Variants in CADPS observed in about 807,000 individuals in gnomAD.
The protein encoded by CADPS is calcium dependent secretion activator, also known as calcium-dependent secretion activator 1.
In CADPS, 57 loss-of-function variants were observed where a neutral mutation model predicts 167.3. The ratio of observed to expected loss-of-function variants is 0.34; its 90% CI spans 0.28 to 0.42. CADPS has a LOEUF of 0.42. Ranked by LOEUF, CADPS falls within the 20% of genes least tolerant of loss-of-function variation. The pLI is 1.00. For synonymous variants in CADPS, 676 were observed against 635.3 expected, an observed-to-expected ratio of 1.06 and a Z score of -0.96; for missense variants, 1,414 against 1,738.1, an observed-to-expected ratio of 0.81 and a Z score of 3.32.
intron 3 of CADPS, among the ~76,000 whole-genome samples, chr3:62,665,170 A>C (rs1429357047): frequency 6.6e-6 from 1 of 152,222 alleles, no homozygotes; most frequent in Non-Finnish European, 1.5e-5. Flanking sequence ...ATGTGCATTC[A>C]CACAGGAAAA....
chr3:62,794,612 C>T (rs779002828), intron 1 of CADPS, among the ~76,000 whole-genome samples: 1 of 151,894 alleles, frequency 6.6e-6, no homozygotes, highest in Non-Finnish European at 1.5e-5. Flanking sequence ...ATTAGCTATT[C>T]TTGTTATTGT....
At chr3:62,672,325 G>T (rs188416517) in intron 3 of CADPS, among the ~76,000 whole-genome samples, 1 of 152,260 alleles carries the variant, frequency 6.6e-6, no homozygotes, top group African/African-American at 2.4e-5. Context: ...CATGAAGTAC[G>T]AATTTAACTC....
rs369323960 is a variant in CADPS at position 62,839,082 on chromosome 3, T to C, written c.441+35507A>G. Among the ~76,000 whole-genome samples the C allele has an allele frequency of 2.6e-5, 4 of 152,192 alleles. No individual in the cohort carries two copies. The East Asian group carries it at 5.8e-4, about 22-fold the overall frequency. The stretch of plus-strand genomic sequence containing the variant: ...AATGACAGATTTATTCAGAGGATTA[T>C]GGGGATACACATGAAGATGCTTATT... On this transcript the variant is annotated intron_variant, in intron 1 of 29. Coordinates refer to ENST00000383710, the MANE Select transcript of CADPS (RefSeq NM_003716.4).
intron 3 of CADPS, among the ~76,000 whole-genome samples, chr3:62,668,528 C>T (rs1194507282): frequency 6.6e-6 from 1 of 152,192 alleles, no homozygotes; most frequent in African/African-American, 2.4e-5. Flanking sequence ...CCTTTCTTAT[C>T]CTTCATCCTT....
At chr3:62,599,508 ATT>A (rs1491526384) in intron 6 of CADPS, among the ~76,000 whole-genome samples, 77 of 104,216 alleles carry the variant, frequency 7.4e-4, no homozygotes, top group Non-Finnish European at 1.2e-3. Flanking sequence ...TTTTATATAT[ATT>A]ATATATATAT....
chr3:62,797,716 CT>C (rs1226036705), intron 1 of CADPS, among the ~76,000 whole-genome samples: 1 of 151,948 alleles, frequency 6.6e-6, no homozygotes, highest in African/African-American at 2.4e-5. Context: ...CTAACGGGTA[CT>C]AGGCTTCATA....
intron 1 of CADPS, among the ~76,000 whole-genome samples, chr3:62,864,054 G>A (rs1347558642): frequency 1.3e-5 from 2 of 152,172 alleles, no homozygotes; most frequent in Non-Finnish European, 2.9e-5. Context: ...GCTTATACCA[G>A]AAATTACATC....
chr3:62,497,113 A>C (rs1422566903), intron 18 of CADPS, among the ~76,000 whole-genome samples: 1 of 152,188 alleles, frequency 6.6e-6, no homozygotes, highest in Non-Finnish European at 1.5e-5. Flanking sequence ...ATAAGGATTA[A>C]CACAGCGAGA....
At position 62,698,406 on chromosome 3, in the gene CADPS, G is replaced by A. The variant is rs561621688; in HGVS notation, c.889-36012C>T. ...TGGAAGCCCCTCTATGAGGGGTGCAGGACCCTGGCCTGCCCAGGTACGATG... is the reference window on the plus strand; with the variant it reads ...TGGAAGCCCCTCTATGAGGGGTGCAAGACCCTGGCCTGCCCAGGTACGATG... On this transcript the variant is annotated intron_variant, in intron 3 of 29. Transcript: ENST00000383710. 5.8e-4 allele frequency among the ~76,000 whole-genome samples: 89 copies of A among 152,186 alleles called. 1 individual carries two copies. The highest frequency in any genetic ancestry group is 1.8e-3 in the African/African-American group (73 of 41,478).
At position 62,446,151 on chromosome 3, in the gene CADPS, T is replaced by C. The variant is rs2057190673; in HGVS notation, c.3637-354A>G. 6.6e-6 allele frequency among the ~76,000 whole-genome samples: 1 copy of C among 152,214 alleles called. No homozygotes were observed. The highest frequency in any genetic ancestry group is 2.4e-5 in the African/African-American group (1 of 41,464). The stretch of plus-strand genomic sequence containing the variant: ...AAGCAACTAAGATTGCTGTTACTTC[T>C]GGTACCTTGGGTCTTTGTGTAATTT... On this transcript the variant is annotated intron_variant, in intron 26 of 29. Transcript: ENST00000383710. The surrounding 1 kb of genome is among the most constrained non-coding windows in gnomAD (Gnocchi z 4.9).
At chr3:62,858,199 G>C (rs1055410328) in intron 1 of CADPS, among the ~76,000 whole-genome samples, 1 of 152,138 alleles carries the variant, frequency 6.6e-6, no homozygotes, top group East Asian at 1.9e-4. Flanking sequence ...GCTTAATGGT[G>C]TATGTGGCCC....
At chr3:62,781,401 C>G (rs1559591199) in intron 1 of CADPS, among the ~76,000 whole-genome samples, 1 of 152,144 alleles carries the variant, frequency 6.6e-6, no homozygotes, top group East Asian at 1.9e-4. Context: ...TCCTTTCAAA[C>G]CTCTCCTTTC....
chr3:62,656,634 T>C (rs2071667178), intron 4 of CADPS, among the ~76,000 whole-genome samples: 1 of 152,174 alleles, frequency 6.6e-6, no homozygotes, highest in African/African-American at 2.4e-5. Context: ...TCCACAGCAA[T>C]GGCCATTCCA....
intron 23 of CADPS, among the ~76,000 whole-genome samples, chr3:62,477,314 GTTT>G (rs34963178): frequency 2.9e-5 from 4 of 139,120 alleles, no homozygotes; most frequent in Non-Finnish European, 3.1e-5. Context: ...TGCAATCTGG[GTTT>G]TTTTTTTTTT....
At chr3:62,678,416 T>A (rs1166982790) in intron 3 of CADPS, among the ~76,000 whole-genome samples, 1 of 152,124 alleles carries the variant, frequency 6.6e-6, no homozygotes. Flanking sequence ...TTTAGTTAAG[T>A]TTTTAGGTTT....
chr3:62,495,860 A>T (rs2064663613), intron 18 of CADPS, among the ~76,000 whole-genome samples: 1 of 152,214 alleles, frequency 6.6e-6, no homozygotes. Flanking sequence ...ATGTGTGTGC[A>T]TATGATGTAC....
intron 1 of CADPS, among the ~76,000 whole-genome samples, chr3:62,818,134 A>G (rs1358173205): frequency 1.3e-5 from 2 of 152,158 alleles, no homozygotes; most frequent in South Asian, 4.1e-4. Flanking sequence ...ACAATTTATA[A>G]TAATCACCAA....
At position 62,420,453 on chromosome 3, in the gene CADPS, G is replaced by T. The variant is rs1188812681; in HGVS notation, c.3778-17268C>A. Among the ~76,000 whole-genome samples, 1 of 152,198 alleles carries T rather than the reference G, an allele frequency of 6.6e-6. No homozygotes were observed. Among genetic ancestry groups the T allele is most frequent in the African/African-American group, 2.4e-5 (1 of 41,464 alleles). On this transcript the variant is annotated intron_variant, in intron 28 of 29. Transcript: ENST00000383710. This position sits in a 1 kb window ranked among gnomAD's most constrained non-coding sequence, Gnocchi z 4.1. ...GTGCAGGGACAATATTCAGATGGTG[G>T]TCCAGGAGCTGGGAGGGGTGTTGGG...
intron 6 of CADPS, among the ~76,000 whole-genome samples, chr3:62,613,728 T>C (rs887782851): frequency 1.2e-4 from 18 of 152,162 alleles, no homozygotes; most frequent in African/African-American, 4.3e-4. Context: ...AGACCAGGGG[T>C]ATCATCTCCT....
Sources: allele counts gnomAD v4.1 joint callset (sites outside exome capture counted in the v4.1 genomes callset), GRCh38; gene constraint gnomAD v4.1.1; non-coding constraint Gnocchi (gnomAD v3.1); transcripts MANE v1.5; gene names NCBI Gene and HGNC (gene_info 2026-07-23, HGNC 2026-07-21).